Variants in SCAI observed in about 807,000 individuals in gnomAD.
SCAI encodes the protein protein SCAI.
In SCAI, 24 loss-of-function variants were observed where a neutral mutation model predicts 92.2. That is an observed-to-expected ratio of 0.26 (90% CI 0.19 to 0.37). The LOEUF (loss-of-function observed/expected upper bound fraction) is 0.37. SCAI is among the 10% of genes least tolerant of loss of function. The pLI is 1.00. For missense variants in SCAI, 450 were observed against 736.2 expected (o/e 0.61, Z 4.50); for synonymous variants, 261 against 258.6 (o/e 1.01, Z -0.09).
At chr9:124,964,117 C>A (rs2131581579) in intron 17 of SCAI, among the ~76,000 whole-genome samples, 2 of 152,324 alleles carry the variant, frequency 1.3e-5, no homozygotes, top group Middle Eastern at 6.8e-3. Context: ...ATAGAAGCAT[C>A]CATCTCATAG....
intron 2 of SCAI, among the ~76,000 whole-genome samples, chr9:125,123,245 C>G (rs1232543275): frequency 1.4e-5 from 2 of 147,478 alleles, no homozygotes; most frequent in Non-Finnish European, 3.0e-5. Context: ...TGCCTGTAGT[C>G]CCAGCAACTC....
intron 5 of SCAI, among the ~76,000 whole-genome samples, 197 bp downstream of exon 5, chr9:125,028,195 C>T (rs1832999787): frequency 6.6e-6 from 1 of 152,110 alleles, no homozygotes; most frequent in East Asian, 1.9e-4. Flanking sequence ...GGGAGGCAAG[C>T]CTTTAAAACA....
chr9:125,137,062 C>A (rs917103332), intron 2 of SCAI, among the ~76,000 whole-genome samples: 1 of 152,060 alleles, frequency 6.6e-6, no homozygotes, highest in Admixed American at 6.5e-5. Context: ...CGGCCTAACA[C>A]CTATTTTTTT....
At chr9:124,958,960 A>T (rs1001438281) in intron 17 of SCAI, among the ~76,000 whole-genome samples, 1 of 151,836 alleles carries the variant, frequency 6.6e-6, no homozygotes, top group Non-Finnish European at 1.5e-5. Context: ...CTTTAAGTAA[A>T]GATTTCTGGG....
At chr9:125,085,145 A>T (rs892837291) in intron 2 of SCAI, among the ~76,000 whole-genome samples, 5 of 152,250 alleles carry the variant, frequency 3.3e-5, no homozygotes, top group African/African-American at 1.2e-4. Flanking sequence ...TTTTTTATTA[A>T]GGAAAAATAT....
chr9:125,097,082 T>C (rs1834573068), intron 2 of SCAI, among the ~76,000 whole-genome samples: 1 of 152,172 alleles, frequency 6.6e-6, no homozygotes, highest in Non-Finnish European at 1.5e-5. Flanking sequence ...AAAGATTATA[T>C]TACGTATACA....
At chr9:125,133,021 C>T (rs891193203) in intron 2 of SCAI, among the ~76,000 whole-genome samples, 1 of 151,996 alleles carries the variant, frequency 6.6e-6, no homozygotes, top group Non-Finnish European at 1.5e-5. Flanking sequence ...AAGCTGCAAG[C>T]ATCTCAAGAT....
chr9:124,978,111 G>A (rs1226939892), intron 14 of SCAI, among the ~76,000 whole-genome samples: 2 of 152,046 alleles, frequency 1.3e-5, no homozygotes, highest in Non-Finnish European at 2.9e-5. Flanking sequence ...GAAAATATCT[G>A]GAACTCACAT....
intron 3 of SCAI, among the ~76,000 whole-genome samples, chr9:125,034,332 C>G (rs1833146081): frequency 6.6e-6 from 1 of 152,128 alleles, no homozygotes; most frequent in Non-Finnish European, 1.5e-5. Flanking sequence ...GAAGGGCAAA[C>G]TGAAAATGTC....
chr9:124,965,712 G>A (rs1385506617), intron 17 of SCAI, among the ~76,000 whole-genome samples: 4 of 152,102 alleles, frequency 2.6e-5, no homozygotes, highest in South Asian at 2.1e-4. Context: ...AATTTATCTT[G>A]AAATGGCAGG....
intron 14 of SCAI, among the ~76,000 whole-genome samples, chr9:124,989,714 T>C (rs1832078341): frequency 6.7e-6 from 1 of 148,626 alleles, no homozygotes; most frequent in Admixed American, 6.8e-5. Flanking sequence ...AGAAACCCCG[T>C]TTCTACTAAA....
chr9:125,126,186 T>C (rs1835269024), intron 2 of SCAI, among the ~76,000 whole-genome samples: 1 of 152,212 alleles, frequency 6.6e-6, no homozygotes, highest in African/African-American at 2.4e-5. Flanking sequence ...AAGCTCACTT[T>C]TCTGAGCCAG....
chr9:125,046,196 G>GATATATATATATATATATATAT (rs71374222), intron 3 of SCAI, among the ~76,000 whole-genome samples: 51 of 51,852 alleles, frequency 9.8e-4, no homozygotes, highest in Admixed American at 1.4e-3. Context: ...GAAATTGTGA[G>GATATATATATATATATATATAT]ATATATATAT....
chr9:124,983,997 G>A (rs1289850010), intron 14 of SCAI, among the ~76,000 whole-genome samples: 1 of 152,192 alleles, frequency 6.6e-6, no homozygotes, highest in Non-Finnish European at 1.5e-5. Context: ...CTACAGAAAA[G>A]TTAACTGTTA....
chr9:125,073,944 C>CTTT (rs751030059), intron 2 of SCAI, among the ~76,000 whole-genome samples: 1 of 142,814 alleles, frequency 7.0e-6, no homozygotes, highest in Non-Finnish European at 1.5e-5. Context: ...TCTCGTTCTC[C>CTTT]TTTTTTTTTT....
chr9:125,105,783 G>A lies in SCAI; in HGVS notation c.98+36850C>T, dbSNP rs74380367. Among the ~76,000 whole-genome samples, 1,434 of 152,104 alleles carry A rather than the reference G, an allele frequency of 9.4e-3. 21 individuals carry two copies. The highest frequency in any genetic ancestry group is 0.033 in the African/African-American group (1,353 of 41,520). On this transcript the variant is annotated intron_variant, in intron 2 of 17. Transcript: ENST00000336505. ...TATAACTTTCCAAACCTTAATCTCA[G>A]AGGATAAACACTTTCTAAGAAAAAG...
rs1588124319 is a variant in SCAI, at chr9:124,971,426, G to A, written c.1618C>T (p.Leu540Phe). 1 of 1,613,104 alleles carries A rather than the reference G, an allele frequency of 6.2e-7. No individual in the cohort carries two copies. Among genetic ancestry groups the A allele is most frequent in the Non-Finnish European group, 8.5e-7 (1 of 1,179,664 alleles). ...QFFGDEFLRL[L>F]LTRFIFCSAT... ...GAACAAAAGATAAATCTTGTGAGGA[G>A]CAAGCGAAGAAATTCATCTCCAAAA... The change falls in exon 17 of 18, where the codon CTC (leucine) becomes TTC (phenylalanine). Residue 540 changes from leucine (L) to phenylalanine (F), a missense_variant. By Grantham distance (22) the Leu-to-Phe change is conservative. Coordinates refer to ENST00000336505, the MANE Select transcript of SCAI (RefSeq NM_001144877.3).
chr9:125,079,386 T>G (rs906441262), intron 2 of SCAI, among the ~76,000 whole-genome samples: 4 of 152,206 alleles, frequency 2.6e-5, no homozygotes, highest in African/African-American at 9.7e-5. Flanking sequence ...ATATGGCACA[T>G]AATAGGATAT....
intron 2 of SCAI, among the ~76,000 whole-genome samples, chr9:125,138,828 C>T (rs1835602893): frequency 6.6e-6 from 1 of 152,150 alleles, no homozygotes; most frequent in Non-Finnish European, 1.5e-5. Context: ...GGATTACGGG[C>T]GTGAGCCACC....
Sources: allele counts gnomAD v4.1 joint callset (sites outside exome capture counted in the v4.1 genomes callset), GRCh38; gene constraint gnomAD v4.1.1; transcripts MANE v1.5; gene names NCBI Gene and HGNC (gene_info 2026-07-23, HGNC 2026-07-21).